The following NEK4 variants were observed in gnomAD, a reference collection of about 807,000 sequenced individuals.
The protein encoded by NEK4 is serine/threonine-protein kinase Nek4.
In NEK4, 86 loss-of-function variants were observed where a neutral mutation model predicts 98.4. That is an observed-to-expected ratio of 0.87 (90% CI 0.73 to 1.05). The LOEUF is 1.05. NEK4 is among the 50% of genes least tolerant of loss of function. NEK4 has a pLI of 0.00. For missense variants in NEK4, 898 were observed against 950.3 expected (o/e 0.94, Z 0.72); for synonymous variants, 328 against 342.2 (o/e 0.96, Z 0.46).
In NEK4 at chr3:52,717,532, C is replaced by T. The variant is rs748453418; in HGVS notation, c.2434-5663G>A. Reference sequence around the variant, plus strand: ...TGCCAAGAAGATGAGAGGCTACTGCCCCATCTCCCTCCAAAACCGGGTGCT... The same window carrying T: ...TGCCAAGAAGATGAGAGGCTACTGCTCCATCTCCCTCCAAAACCGGGTGCT... On this transcript the variant is annotated intron_variant, in intron 15 of 15. Transcript: ENST00000233027. 3.3e-4 allele frequency among the ~76,000 whole-genome samples: 50 copies of T among 152,006 alleles called. 1 individual carries two copies. The highest frequency in any genetic ancestry group is 1.0e-3 in the South Asian group (5 of 4,814).
chr3:52,723,257 GA>G (rs964164387), intron 15 of NEK4, among the ~76,000 whole-genome samples: 5 of 151,716 alleles, frequency 3.3e-5, no homozygotes, highest in Non-Finnish European at 5.9e-5. Flanking sequence ...GACATAAAAA[GA>G]AAAAAAGAAT....
Position 52,763,742 on chromosome 3 carries a change from C to T in NEK4, c.667-118G>A. On this transcript the variant is annotated intron_variant, in intron 4 of 15. Transcript: ENST00000233027. ...TATGTCCACATAAGCAGAAAACAAT[C>T]AGTATATTAGTCTACAGGAAGTGTA... 4 of 695,826 alleles carry T rather than the reference C, an allele frequency of 5.7e-6. No individual in the cohort carries two copies. In the South Asian group the frequency reaches 8.5e-5, roughly 15 times the overall value. 43.1% of individuals were successfully genotyped at this position (695,826 alleles called of 1,614,324 possible).
chr3:52,718,625 C>T (rs999290834), intron 15 of NEK4, among the ~76,000 whole-genome samples: 2 of 152,198 alleles, frequency 1.3e-5, no homozygotes, highest in Admixed American at 6.5e-5. Context: ...ACAGTAGATT[C>T]ACAACCCAAT....
At chr3:52,721,665 C>A (rs1291653154) in intron 15 of NEK4, among the ~76,000 whole-genome samples, 5 of 150,738 alleles carry the variant, frequency 3.3e-5, no homozygotes, top group Non-Finnish European at 7.4e-5. Context: ...AAGTCCAGGA[C>A]GCAAAGGCTG....
At chr3:52,746,294 G>C (rs2097396058) in intron 9 of NEK4, 84 bp from the exon 10 acceptor site, 7 of 1,340,786 alleles carry the variant, frequency 5.2e-6, no homozygotes, top group East Asian at 2.4e-5. Flanking sequence ...CTATGTATTT[G>C]TCCGTGGTTT....
In NEK4 at chr3:52,732,175, G is replaced by A. The variant is rs145172024; in HGVS notation, c.2433+5411C>T. On this transcript the variant is annotated intron_variant, in intron 15 of 15. Coordinates refer to ENST00000233027, the MANE Select transcript of NEK4 (RefSeq NM_003157.6). ...GGATTACAGGCATGAGCCACCCAGC[G>A]CCCAGCCTCACAGATTGATTTCTTT... 5.5e-3 allele frequency among the ~76,000 whole-genome samples: 831 copies of A among 152,036 alleles called. 13 individuals are homozygous for A. The South Asian group carries it at 0.067, about 12-fold the overall frequency.
intron 15 of NEK4, among the ~76,000 whole-genome samples, chr3:52,734,123 G>T (rs1455236192): frequency 6.6e-6 from 1 of 152,098 alleles, no homozygotes; most frequent in Non-Finnish European, 1.5e-5. Context: ...ACTTGAGGAG[G>T]CCAAGGCATG....
intron 15 of NEK4, among the ~76,000 whole-genome samples, chr3:52,713,084 AT>A (rs1399216442): frequency 6.6e-6 from 1 of 152,110 alleles, no homozygotes; most frequent in African/African-American, 2.4e-5. Context: ...CCCCTTCCAT[AT>A]CATTAGCATA....
At chr3:52,719,092 A>G (rs935046355) in intron 15 of NEK4, among the ~76,000 whole-genome samples, 1 of 152,110 alleles carries the variant, frequency 6.6e-6, no homozygotes. Flanking sequence ...TTCTGCTCCA[A>G]AGGAGGAGTA....
chr3:52,750,128 C>A (rs898939420), intron 7 of NEK4, among the ~76,000 whole-genome samples: 13 of 152,296 alleles, frequency 8.5e-5, no homozygotes, highest in African/African-American at 2.9e-4. Flanking sequence ...AAATATATGT[C>A]CACACAGAAA....
chr3:52,722,351 G>A (rs1251094744), intron 15 of NEK4, among the ~76,000 whole-genome samples: 1 of 152,064 alleles, frequency 6.6e-6, no homozygotes, highest in Non-Finnish European at 1.5e-5. Context: ...GTGAGCTGGG[G>A]CACACCAGCA....
intron 15 of NEK4, chr3:52,735,001 A>T (rs193164610): frequency 5.5e-6 from 1 of 181,720 alleles, no homozygotes; most frequent in Non-Finnish European, 1.2e-5. Flanking sequence ...AAATTCCACA[A>T]ACAAGCCAGA....
chr3:52,750,682 C>T (rs927852950), intron 7 of NEK4, among the ~76,000 whole-genome samples: 15 of 152,052 alleles, frequency 9.9e-5, no homozygotes, highest in African/African-American at 2.7e-4. Flanking sequence ...AATCCCAGTA[C>T]GCTGGGAGGC....
intron 4 of NEK4, among the ~76,000 whole-genome samples, chr3:52,765,647 C>T (rs545230677): frequency 6.6e-6 from 1 of 152,264 alleles, no homozygotes; most frequent in East Asian, 1.9e-4. Context: ...CATAGGTTTT[C>T]AAAAAGCCAA....
At chr3:52,714,499 C>A (rs1449464491) in intron 15 of NEK4, among the ~76,000 whole-genome samples, 1 of 152,194 alleles carries the variant, frequency 6.6e-6, no homozygotes, top group Non-Finnish European at 1.5e-5. Context: ...TTCGCATGGT[C>A]GGGACCCGCC....
At chr3:52,753,623 A>G in intron 6 of NEK4, 1 of 583,330 alleles carries the variant, frequency 1.7e-6, no homozygotes, top group Non-Finnish European at 3.4e-6. Context: ...TTGATGAACT[A>G]TGCCAAAGAA....
intron 15 of NEK4, among the ~76,000 whole-genome samples, chr3:52,736,472 G>C (rs1220803419): frequency 6.6e-6 from 1 of 151,960 alleles, no homozygotes; most frequent in Non-Finnish European, 1.5e-5. Flanking sequence ...TGTAGTCCCA[G>C]CTACTCGGGA....
intron 15 of NEK4, among the ~76,000 whole-genome samples, chr3:52,726,898 C>T (rs1474298443): frequency 6.6e-6 from 1 of 152,004 alleles, no homozygotes; most frequent in African/African-American, 2.4e-5. Flanking sequence ...AGCGAGACTC[C>T]GTCTCAAATA....
At chr3:52,716,724 C>A (rs1207193919) in intron 15 of NEK4, among the ~76,000 whole-genome samples, 2 of 152,190 alleles carry the variant, frequency 1.3e-5, no homozygotes, top group Admixed American at 6.5e-5. Flanking sequence ...TCACAATAAA[C>A]CCAATTGAGA....
Sources: gnomAD v4.1 joint callset for allele counts (sites outside exome capture counted in the v4.1 genomes callset) on GRCh38, gnomAD v4.1.1 for gene constraint, MANE v1.5 for transcripts, NCBI Gene and HGNC (gene_info 2026-07-23, HGNC 2026-07-21) for gene names.